The following LRRC7 variants were observed in gnomAD, a reference collection of about 807,000 sequenced individuals.
LRRC7 encodes the protein leucine rich repeat containing 7, also known as leucine-rich repeat-containing protein 7.
A neutral mutation model predicts 175.7 loss-of-function variants in LRRC7; 23 were observed. The ratio of observed to expected loss-of-function variants is 0.13; its 90% CI spans 0.09 to 0.19. LRRC7 has a LOEUF of 0.19. Ranked by LOEUF, LRRC7 falls within the 10% of genes least tolerant of loss-of-function variation. The probability of loss-of-function intolerance (pLI) is 1.00; values close to 1 mark genes in which losing one functional copy is unlikely to be tolerated. For synonymous variants in LRRC7, 685 were observed against 680.9 expected (o/e 1.01, Z -0.09); for missense variants, 1,354 against 1,904.7 (o/e 0.71, Z 5.38).
At chr1:69,952,688 A>G (rs949297793) in intron 8 of LRRC7, among the ~76,000 whole-genome samples, 5 of 152,060 alleles carry the variant, frequency 3.3e-5, no homozygotes, top group African/African-American at 1.2e-4. Flanking sequence ...AAGATTCCCA[A>G]TGAACTAGAA....
chr1:70,041,157 A>G (rs55925122), intron 21 of LRRC7, among the ~76,000 whole-genome samples: 11,489 of 152,198 alleles, frequency 0.075, 545 homozygotes, highest in South Asian at 0.18. Flanking sequence ...GTCTCACTCA[A>G]TAGTTTTATT....
intron 7 of LRRC7, chr1:69,919,556 C>A (rs1185905196): frequency 7.6e-6 from 6 of 788,282 alleles, no homozygotes; most frequent in Admixed American, 2.0e-5. Context: ...CCAGTCAAGG[C>A]GGCCCTCGAC....
intron 1 of LRRC7, among the ~76,000 whole-genome samples, chr1:69,638,971 G>T (rs933026314): frequency 6.6e-6 from 1 of 151,672 alleles, no homozygotes; most frequent in Non-Finnish European, 1.5e-5. Context: ...GAACAAAGAG[G>T]CTTGGGCTGA....
chr1:70,079,863 A>T (rs963998843), intron 24 of LRRC7, among the ~76,000 whole-genome samples: 3 of 152,244 alleles, frequency 2.0e-5, no homozygotes, highest in Admixed American at 6.5e-5. Flanking sequence ...AACTAATTAT[A>T]TAACCGGTCC....
intron 8 of LRRC7, among the ~76,000 whole-genome samples, chr1:69,933,789 T>G (rs533230987): frequency 6.6e-6 from 1 of 152,208 alleles, no homozygotes; most frequent in Non-Finnish European, 1.5e-5. Flanking sequence ...TTTTCAAAAC[T>G]AGTTGTACTA....
At chr1:70,110,478 G>C (rs919939790) in intron 26 of LRRC7, among the ~76,000 whole-genome samples, 1 of 152,174 alleles carries the variant, frequency 6.6e-6, no homozygotes, top group Non-Finnish European at 1.5e-5. Flanking sequence ...ATGTGGGGAC[G>C]TGAGGGTTAT....
At chr1:69,815,948 CTTTA>C (rs61408208) in intron 4 of LRRC7, among the ~76,000 whole-genome samples, 4,550 of 147,474 alleles carry the variant, frequency 0.031, 192 homozygotes, top group African/African-American at 0.1. Flanking sequence ...TCTCTAGAAC[CTTTA>C]TTTATTTATT....
At chr1:69,670,256 G>T (rs376143888) in intron 1 of LRRC7, among the ~76,000 whole-genome samples, 1 of 152,164 alleles carries the variant, frequency 6.6e-6, no homozygotes, top group South Asian at 2.1e-4. Context: ...AAGGACATGG[G>T]TGTTGTAATT....
At chr1:69,751,490 G>A (rs1669843095) in intron 2 of LRRC7, among the ~76,000 whole-genome samples, 1 of 152,014 alleles carries the variant, frequency 6.6e-6, no homozygotes, top group Non-Finnish European at 1.5e-5. Context: ...AGAAGGAAAA[G>A]CAAAAGAGGA....
chr1:69,738,741 A>C (rs561202264), intron 2 of LRRC7, among the ~76,000 whole-genome samples: 3 of 152,188 alleles, frequency 2.0e-5, no homozygotes, highest in African/African-American at 7.2e-5. Context: ...TATGTGAGAG[A>C]GATAAGACAC....
chr1:69,940,931 A>T (rs1648643521), intron 8 of LRRC7, among the ~76,000 whole-genome samples: 1 of 152,144 alleles, frequency 6.6e-6, no homozygotes, highest in Non-Finnish European at 1.5e-5. Flanking sequence ...CTGAGGAGAA[A>T]TATAAAGAAA....
intron 2 of LRRC7, among the ~76,000 whole-genome samples, chr1:69,710,858 C>G (rs1392583885): frequency 6.6e-6 from 1 of 152,154 alleles, no homozygotes; most frequent in Admixed American, 6.6e-5. Flanking sequence ...CCAGAGCCCA[C>G]GCTGACTAGA....
rs150021279 is a variant in LRRC7 at position 69,693,039 on chromosome 1, G to T, written c.100+14561G>T. Among the ~76,000 whole-genome samples, 75 of 151,546 alleles carry T rather than the reference G, an allele frequency of 4.9e-4. 1 individual carries two copies. The East Asian group carries it at 0.014, about 29-fold the overall frequency. ...CCTGGTTTTCAGGCTCGCAGACACGGACAGGAGTCTACACTGTTGGTTCCG... is the reference window on the plus strand; with the variant it reads ...CCTGGTTTTCAGGCTCGCAGACACGTACAGGAGTCTACACTGTTGGTTCCG... On this transcript the variant is annotated intron_variant, in intron 2 of 26. Transcript: ENST00000651989.
chr1:69,780,154 C>T (rs1357468884), intron 3 of LRRC7, among the ~76,000 whole-genome samples: 5 of 152,112 alleles, frequency 3.3e-5, no homozygotes, highest in South Asian at 4.1e-4. Flanking sequence ...TAAGTCACTT[C>T]GTTGCATATG....
rs1236771111 is a variant in LRRC7, at chr1:69,677,026, C to T, written c.3-1355C>T. Among the ~76,000 whole-genome samples, 7 of 151,886 alleles carry T rather than the reference C, an allele frequency of 4.6e-5. No homozygotes were observed. In the East Asian group the frequency reaches 5.8e-4, roughly 13 times the overall value. On this transcript the variant is annotated intron_variant, in intron 1 of 26. Coordinates refer to ENST00000651989, the MANE Select transcript of LRRC7 (RefSeq NM_001370785.2). ...TAGTTCTTACACTTAAAAGTAAGAA[C>T]ATATGGTATTTGGTTTTTGTTCCTG...
intron 15 of LRRC7, 25 bp downstream of exon 15, chr1:70,018,843 C>A: frequency 1.3e-6 from 2 of 1,536,040 alleles, no homozygotes; most frequent in African/African-American, 1.4e-5. Context: ...GAAATTTCTT[C>A]TCTACTTATA....
In LRRC7 at chr1:70,051,509, G is replaced by A. The variant is rs114245513; in HGVS notation, c.4111-1517G>A. Among the ~76,000 whole-genome samples the A allele has an allele frequency of 8.5e-3, 1,296 of 152,022 alleles. 12 individuals carry two copies. Among genetic ancestry groups the A allele is most frequent in the African/African-American group, 0.029 (1,223 of 41,518 alleles). On this transcript the variant is annotated intron_variant, in intron 22 of 26. Transcript: ENST00000651989. The stretch of plus-strand genomic sequence containing the variant: ...TGGAAAAGGTAAACACTAGAAAAGT[G>A]ATGCTGGAAAACAGACAGTCGTTGA...
intron 1 of LRRC7, among the ~76,000 whole-genome samples, chr1:69,612,910 A>G (rs1021628206): frequency 2.6e-5 from 4 of 152,102 alleles, no homozygotes; most frequent in African/African-American, 9.7e-5. Context: ...GCTAAAGCCA[A>G]GGCTCATCCT....
rs1028637385 is a variant in LRRC7, at chr1:70,131,643, T to A, written c.*9756T>A. Among the ~76,000 whole-genome samples, 3 of 152,156 alleles carry A rather than the reference T, an allele frequency of 2.0e-5. No individual in the cohort carries two copies. Among genetic ancestry groups the A allele is most frequent in the Non-Finnish European group, 2.9e-5 (2 of 68,022 alleles). On this transcript the variant is annotated 3_prime_UTR_variant, in exon 27 of 27. Transcript: ENST00000651989. Reference sequence around the variant, plus strand: ...TAATTATGTCTTCTTCTCATAAAATTTTTGATTTAGAAAGATTTAGATAAA... The same window carrying A: ...TAATTATGTCTTCTTCTCATAAAATATTTGATTTAGAAAGATTTAGATAAA...
Sources: allele counts gnomAD v4.1 joint callset (sites outside exome capture counted in the v4.1 genomes callset), GRCh38; gene constraint gnomAD v4.1.1; transcripts MANE v1.5; gene names NCBI Gene and HGNC (gene_info 2026-07-23, HGNC 2026-07-21).